The following EIF4G3 variants were observed in gnomAD, a reference collection of about 807,000 sequenced individuals.
EIF4G3 encodes the protein eIF-4-gamma 3.
Under a neutral mutation model 186.4 loss-of-function variants are expected in EIF4G3, and 34 were observed. That is an observed-to-expected ratio of 0.18 (90% CI 0.14 to 0.24). The LOEUF is 0.24. EIF4G3 is among the 10% of genes least tolerant of loss of function. The pLI is 1.00. For missense variants in EIF4G3, 1,536 were observed against 1,948.5 expected, an observed-to-expected ratio of 0.79 and a Z score of 3.99; for synonymous variants, 673 against 679.5, an observed-to-expected ratio of 0.99 and a Z score of 0.15.
At chr1:21,068,353 C>T (rs1177273841) in intron 3 of EIF4G3, among the ~76,000 whole-genome samples, 4 of 112,524 alleles carry the variant, frequency 3.6e-5, no homozygotes, top group Middle Eastern at 6.6e-3. Flanking sequence ...CCAGTCTGGG[C>T]GACAGAGTGA....
At position 20,851,473 on chromosome 1, in the gene EIF4G3, C is replaced by A. The variant is rs893644857; in HGVS notation, c.3557G>T (p.Gly1186Val). 1 of 1,614,104 alleles carries A rather than the reference C, an allele frequency of 6.2e-7. No homozygotes were observed. The highest frequency in any genetic ancestry group is 8.5e-7 in the Non-Finnish European group (1 of 1,180,024). ...GTCATTCTTCTCCCTGCCCATACTT[C>A]CACGACTTAAAAGACAAAACAACAC... ...FDSRRTLTSRGSMGREKNDKP... is the reference protein window; with the variant it reads ...FDSRRTLTSRVSMGREKNDKP... Residue 1186 changes from glycine (G) to valine (V), a missense_variant, in exon 28 of 37, where the codon GGA becomes GTA. Transcript: ENST00000602326.
At chr1:20,985,145 T>C (rs1302163135) in intron 7 of EIF4G3, among the ~76,000 whole-genome samples, 2 of 152,208 alleles carry the variant, frequency 1.3e-5, no homozygotes, top group East Asian at 1.9e-4. Flanking sequence ...ACTGAAAGGA[T>C]GTAGCAGGAT....
At chr1:20,846,475 A>G (rs574380826) in intron 29 of EIF4G3, among the ~76,000 whole-genome samples, 1 of 152,154 alleles carries the variant, frequency 6.6e-6, no homozygotes, top group Non-Finnish European at 1.5e-5. Flanking sequence ...TTGAGCTTTT[A>G]GTTGAAATGA....
At chr1:20,826,494 T>C (rs1264926033) in intron 32 of EIF4G3, among the ~76,000 whole-genome samples, 12 of 137,600 alleles carry the variant, frequency 8.7e-5, no homozygotes, top group Non-Finnish European at 1.6e-4. Flanking sequence ...TTTTTTTTTT[T>C]TTTTTTTTTT....
chr1:20,917,988 G>C (rs1482218914), intron 14 of EIF4G3, among the ~76,000 whole-genome samples: 1 of 151,896 alleles, frequency 6.6e-6, no homozygotes, highest in Non-Finnish European at 1.5e-5. Context: ...CTAAGTAGTG[G>C]GATTCCAAGG....
chr1:21,147,295 T>C (rs1278530217), intron 2 of EIF4G3, among the ~76,000 whole-genome samples: 5 of 152,210 alleles, frequency 3.3e-5, no homozygotes, highest in Admixed American at 2.6e-4. Flanking sequence ...TAATTTGTAT[T>C]ATTTATAAAA....
At chr1:21,141,329 T>C (rs989392925) in intron 2 of EIF4G3, among the ~76,000 whole-genome samples, 1 of 152,004 alleles carries the variant, frequency 6.6e-6, no homozygotes, top group Non-Finnish European at 1.5e-5. Flanking sequence ...ATAGCATGTG[T>C]GTTTGAATTG....
chr1:21,091,977 C>G (rs576035159), intron 2 of EIF4G3, among the ~76,000 whole-genome samples: 2 of 152,182 alleles, frequency 1.3e-5, no homozygotes, highest in Non-Finnish European at 2.9e-5. Flanking sequence ...AATTGAATAC[C>G]CTTTATTTCT....
intron 2 of EIF4G3, among the ~76,000 whole-genome samples, chr1:21,090,382 A>G (rs564220447): frequency 6.6e-6 from 1 of 152,356 alleles, no homozygotes; most frequent in East Asian, 1.9e-4. Flanking sequence ...ACACTTGCAA[A>G]GACTAAATTT....
rs114381311 is a variant in EIF4G3, at chr1:20,929,037, C to T, written c.1663+12454G>A. On this transcript the variant is annotated intron_variant, in intron 14 of 36. Transcript: ENST00000602326. ...TTAGCGTAATGTTTTTAAGGTTCAT[C>T]CATTGTACACCATGTGAATTTCATT... Among the ~76,000 whole-genome samples, 788 of 152,266 alleles carry T rather than the reference C, an allele frequency of 5.2e-3. 7 individuals are homozygous for T. The highest frequency in any genetic ancestry group is 0.018 in the African/African-American group (757 of 41,542).
chr1:21,003,455 A>G (rs181039262), intron 4 of EIF4G3: 1 of 168,996 alleles, frequency 5.9e-6, no homozygotes, highest in African/African-American at 2.4e-5. Flanking sequence ...CTCCTGATAA[A>G]AGGACATTAG....
chr1:21,174,488 C>G (rs2098061174), intron 2 of EIF4G3, among the ~76,000 whole-genome samples: 1 of 152,150 alleles, frequency 6.6e-6, no homozygotes, highest in African/African-American at 2.4e-5. Context: ...CAAAACAGCT[C>G]AAAGATGCAG....
At chr1:20,968,509 G>A (rs1369273779) in intron 12 of EIF4G3, among the ~76,000 whole-genome samples, 1 of 152,022 alleles carries the variant, frequency 6.6e-6, no homozygotes, top group East Asian at 1.9e-4. Flanking sequence ...CAGATTTGCG[G>A]AATCTAATCT....
At chr1:20,858,920 C>T (rs1422822813) in intron 24 of EIF4G3, among the ~76,000 whole-genome samples, 6 of 152,114 alleles carry the variant, frequency 3.9e-5, no homozygotes, top group South Asian at 4.1e-4. Flanking sequence ...TGCTTGAATC[C>T]GGGAGGCGGA....
chr1:21,038,805 T>A (rs148971004), intron 4 of EIF4G3, among the ~76,000 whole-genome samples: 14 of 152,266 alleles, frequency 9.2e-5, no homozygotes, highest in African/African-American at 3.1e-4. Flanking sequence ...GAATACTACA[T>A]CTTAATTCCA....
At chr1:20,940,221 C>A (rs920185956) in intron 14 of EIF4G3, among the ~76,000 whole-genome samples, 1 of 152,134 alleles carries the variant, frequency 6.6e-6, no homozygotes, top group Non-Finnish European at 1.5e-5. Context: ...CACCAAGGAA[C>A]AAGTTTCCTA....
chr1:20,919,021 C>A (rs1225796116), intron 14 of EIF4G3, among the ~76,000 whole-genome samples: 1 of 152,098 alleles, frequency 6.6e-6, no homozygotes, highest in African/African-American at 2.4e-5. Context: ...TGAGGTTAAG[C>A]ATTTTTTCCT....
intron 29 of EIF4G3, among the ~76,000 whole-genome samples, chr1:20,843,949 C>T (rs1216509081): frequency 6.6e-6 from 1 of 152,128 alleles, no homozygotes; most frequent in Non-Finnish European, 1.5e-5. Context: ...GGATAATGGC[C>T]TCCAGCTCTA....
intron 14 of EIF4G3, among the ~76,000 whole-genome samples, chr1:20,920,430 C>A (rs926621562): frequency 6.6e-6 from 1 of 151,934 alleles, no homozygotes; most frequent in African/African-American, 2.4e-5. Flanking sequence ...GAAAGGGCAA[C>A]AACTAAAACT....
Sources: gnomAD v4.1 joint callset for allele counts (sites outside exome capture counted in the v4.1 genomes callset) on GRCh38, gnomAD v4.1.1 for gene constraint, MANE v1.5 for transcripts, NCBI Gene and HGNC (gene_info 2026-07-23, HGNC 2026-07-21) for gene names.